LYRM4: variants seen among roughly 807,000 people sequenced by gnomAD.
The protein encoded by LYRM4 is LYR motif-containing protein 4.
LYRM4 carries 9 observed loss-of-function variants against 11.7 expected under a neutral mutation model. The ratio of observed to expected loss-of-function variants is 0.77; its 90% confidence interval spans 0.46 to 1.34. The LOEUF is 1.34. LYRM4 is among the 40% of genes most tolerant of loss of function. The pLI is 0.00. For missense variants in LYRM4, 133 were observed against 112.5 expected (o/e 1.18, Z -0.82); for synonymous variants, 42 against 40.4 (o/e 1.04, Z -0.15).
At chr6:5,060,614 G>C in the LYRM4 span, among the ~76,000 whole-genome samples, 5 of 151,922 alleles carry the variant, frequency 3.3e-5, no homozygotes, top group Non-Finnish European at 5.9e-5. Flanking sequence ...TCACACGTCT[G>C]CCTCTCGGGT....
intron 2 of LYRM4, among the ~76,000 whole-genome samples, chr6:5,151,656 A>G (rs1758096246): frequency 6.6e-6 from 1 of 152,232 alleles, no homozygotes; most frequent in South Asian, 2.1e-4. Context: ...TGGGCTTTCA[A>G]AGCAGAAAGG....
At chr6:5,174,895 A>G (rs926889169) in intron 2 of LYRM4, among the ~76,000 whole-genome samples, 2 of 152,240 alleles carry the variant, frequency 1.3e-5, no homozygotes, top group Admixed American at 1.3e-4. Context: ...TCAGTTTTAT[A>G]CAGCTAATCA....
At chr6:5,035,285 G>A in the LYRM4 span, among the ~76,000 whole-genome samples, 1 of 151,954 alleles carries the variant, frequency 6.6e-6, no homozygotes, top group Non-Finnish European at 1.5e-5. Flanking sequence ...GTAGTTGCCT[G>A]AAGATGCTTT....
the LYRM4 span, among the ~76,000 whole-genome samples, chr6:5,051,056 A>G: frequency 9.8e-4 from 150 of 152,308 alleles, no homozygotes; most frequent in African/African-American, 3.4e-3. Context: ...GGACTCAAAA[A>G]CAGATTTGAA....
intron 1 of LYRM4, among the ~76,000 whole-genome samples, chr6:5,237,284 A>G (rs944821333): frequency 6.6e-6 from 1 of 152,006 alleles, no homozygotes; most frequent in African/African-American, 2.4e-5. Flanking sequence ...TTAGATTCTC[A>G]TAGGAGCACA....
At chr6:5,131,076 G>C (rs9504338) in intron 2 of LYRM4, among the ~76,000 whole-genome samples, 46,065 of 152,022 alleles carry the variant, frequency 0.3, 7,379 homozygotes, top group South Asian at 0.4. Flanking sequence ...AAAATCAAGG[G>C]ATGAGTTAAG....
In LYRM4 at chr6:5,216,714, T is replaced by G; in HGVS notation, c.111A>C (p.Arg37Ser). 6.2e-7 allele frequency: 1 copy of G among 1,613,576 alleles called. No homozygotes were observed. The highest frequency in any genetic ancestry group is 1.1e-5 in the South Asian group (1 of 91,078). Residue 37 changes from arginine (R) to serine (S), a missense_variant, in exon 2 of 3, where the codon AGA becomes AGC. Physicochemically the swap from Arg to Ser is moderately radical, Grantham distance 110. Coordinates refer to ENST00000330636, the MANE Select transcript of LYRM4 (RefSeq NM_020408.6). ...NYRTYAVRRI[R>S]DAFRENKNVK... ...CATTTTTATTTTCTCTGAAGGCATC[T>G]CTTATCCTCCTGACAGCATATGTTC...
chr6:5,055,792 T>C, the LYRM4 span, among the ~76,000 whole-genome samples: 1 of 152,116 alleles, frequency 6.6e-6, no homozygotes, highest in African/African-American at 2.4e-5. The surrounding 1 kb of genome is among the most constrained non-coding windows in gnomAD (Gnocchi z 4.5). Context: ...GTGGCTTCCC[T>C]TCAGTGGGGC....
intron 1 of LYRM4, among the ~76,000 whole-genome samples, chr6:5,254,298 G>A (rs1009871928): frequency 3.3e-5 from 5 of 152,100 alleles, no homozygotes; most frequent in African/African-American, 9.7e-5. Flanking sequence ...GAAGCATCTC[G>A]ACAACTTTTT....
chr6:5,170,925 T>A (rs566391205), intron 2 of LYRM4, among the ~76,000 whole-genome samples: 1 of 152,238 alleles, frequency 6.6e-6, no homozygotes, highest in Non-Finnish European at 1.5e-5. Context: ...CAACATATGA[T>A]GGTTACTGCG....
chr6:5,149,910 T>C (rs1324718163), intron 2 of LYRM4, among the ~76,000 whole-genome samples: 1 of 152,210 alleles, frequency 6.6e-6, no homozygotes, highest in Non-Finnish European at 1.5e-5. Context: ...TCTGAATGAT[T>C]TCCTACGAGC....
rs765741377 is a variant in LYRM4 at position 5,138,487 on chromosome 6, C to CAAA, written c.208-28999_208-28997dup. On this transcript the variant is annotated intron_variant, in intron 2 of 2. Transcript: ENST00000330636. The stretch of plus-strand genomic sequence containing the variant: ...GGCCAACAGAGTGAGACCCTGTCTC[C>CAAA]AAAAAAAAAAAAAAAAAAAAAAAAA... 2.2e-4 allele frequency among the ~76,000 whole-genome samples: 11 copies of CAAA among 49,680 alleles called. 1 individual carries two copies. Among genetic ancestry groups the CAAA allele is most frequent in the South Asian group, 1.4e-3 (1 of 716 alleles). The allele number at this position is 49,680 out of a possible 152,430, so 32.6% of individuals were successfully genotyped here.
At chr6:5,070,351 G>A in the LYRM4 span, among the ~76,000 whole-genome samples, 2 of 152,230 alleles carry the variant, frequency 1.3e-5, no homozygotes, top group Non-Finnish European at 2.9e-5. Context: ...GATGGAGGGT[G>A]CAGGAGTGAA....
In LYRM4 at chr6:5,238,614, A is replaced by C. The variant is rs73719768; in HGVS notation, c.87-21876T>G. On this transcript the variant is annotated intron_variant, in intron 1 of 2. Transcript: ENST00000330636. Reference sequence around the variant, plus strand: ...TTTTTTCCTTACATAAACAAGTAACAGGGTGATTTAATTCAGTGAGAGTGG... The same window carrying C: ...TTTTTTCCTTACATAAACAAGTAACCGGGTGATTTAATTCAGTGAGAGTGG... Among the ~76,000 whole-genome samples the C allele has an allele frequency of 8.4e-3, 1,273 of 152,346 alleles. 14 individuals are homozygous for C. The highest frequency in any genetic ancestry group is 0.029 in the African/African-American group (1,205 of 41,570).
chr6:5,237,428 G>A (rs554633129), intron 1 of LYRM4, among the ~76,000 whole-genome samples: 31 of 151,758 alleles, frequency 2.0e-4, no homozygotes, highest in African/African-American at 6.3e-4. Context: ...CAAGCTCAGC[G>A]CTCCCACTGA....
intron 2 of LYRM4, among the ~76,000 whole-genome samples, chr6:5,164,456 T>C (rs1758949941): frequency 6.6e-6 from 1 of 152,176 alleles, no homozygotes. Flanking sequence ...GCAAGACTGA[T>C]CAGATTCCAT....
intron 2 of LYRM4, among the ~76,000 whole-genome samples, chr6:5,179,076 AAAAAAAAAAAAAAG>A (rs1759916878): frequency 2.7e-5 from 1 of 37,710 alleles, no homozygotes. Flanking sequence ...AAAAAAAAAA[AAAAAAAAAAAAAAG>A]AAAGAAAAGA....
intron 1 of LYRM4, among the ~76,000 whole-genome samples, chr6:5,235,732 G>A (rs1289142975): frequency 6.6e-6 from 1 of 152,170 alleles, no homozygotes; most frequent in Non-Finnish European, 1.5e-5. Context: ...TCTTTAAACA[G>A]AAAAATAATC....
chr6:5,157,352 A>C (rs1293735757), intron 2 of LYRM4, among the ~76,000 whole-genome samples: 1 of 152,202 alleles, frequency 6.6e-6, no homozygotes, highest in African/African-American at 2.4e-5. Context: ...TACTCTGATA[A>C]TTGGTAGGTT....
Sources: gnomAD v4.1 joint callset for allele counts (sites outside exome capture counted in the v4.1 genomes callset) on GRCh38, gnomAD v4.1.1 for gene constraint, Gnocchi (gnomAD v3.1) non-coding constraint, MANE v1.5 for transcripts, NCBI Gene and HGNC (gene_info 2026-07-23, HGNC 2026-07-21) for gene names.